Variants in CSPG4 observed in about 807,000 individuals in gnomAD.
CSPG4 encodes the protein chondroitin sulfate proteoglycan 4.
In CSPG4, 74 loss-of-function variants were observed where a neutral mutation model predicts 139.3. The observed-to-expected ratio is 0.53, with a 90% confidence interval of 0.44 to 0.64. The LOEUF is 0.64. CSPG4 is among the 30% of genes least tolerant of loss of function. CSPG4 has a pLI of 0.00. For missense variants in CSPG4, 2,565 were observed against 3,148.3 expected (o/e 0.81, Z 4.43); for synonymous variants, 1,234 against 1,394.2 (o/e 0.89, Z 2.56).
Position 75,688,227 on chromosome 15 carries a change from A to T in CSPG4, c.2838T>A (p.Ala946=), listed in dbSNP as rs777346728. Reference sequence around the variant, plus strand: ...TGGTCTTGTCCTGTGTCCCACGCCAAGCCAACCTCCCATGGCGGGGCCGCT... The same window carrying T: ...TGGTCTTGTCCTGTGTCCCACGCCATGCCAACCTCCCATGGCGGGGCCGCT... ...VMERPRHGRL[A]WRGTQDKTTM... is the part of the protein sequence containing the mutation. The change falls in exon 3 of 10, where the codon GCT becomes GCA. Residue 946 remains alanine, a synonymous_variant. Transcript: ENST00000308508. The T allele has an allele frequency of 1.2e-6, 2 of 1,612,964 alleles. No individual in the cohort carries two copies. The highest frequency in any genetic ancestry group is 8.5e-7 in the Non-Finnish European group (1 of 1,179,924).
chr15:75,678,949 C>T, intron 8 of CSPG4: 2 of 360,608 alleles, frequency 5.5e-6, no homozygotes, highest in Non-Finnish European at 1.1e-5. Context: ...ATACTTCACT[C>T]TGGGGTTCCT....
Position 75,689,857 on chromosome 15 carries a change from G to A in CSPG4, c.1208C>T (p.Pro403Leu), listed in dbSNP as rs777639962. The A allele has an allele frequency of 5.0e-6, 8 of 1,612,448 alleles. No individual in the cohort carries two copies. The highest frequency in any genetic ancestry group is 4.5e-5 in the East Asian group (2 of 44,886). The change falls in exon 3 of 10, where the codon CCT becomes CTT. Residue 403 changes from proline to leucine, a missense_variant. By Grantham distance (98) the Pro-to-Leu change is moderately conservative. This residue lies in a region of CSPG4 where 2,316 missense variants were observed against 2,818.2 expected (regional missense o/e 0.82). Transcript: ENST00000308508. ...CAGCTCCATGGCTGGCCAAGCCTCA[G>A]GGGCCAGGGTGGAGAAAGCTTCATA... ...GHYEAFSTLA[P>L]EAWPAMELPE...
At chr15:75,701,453 G>C (rs372753318) in intron 1 of CSPG4, among the ~76,000 whole-genome samples, 89 of 152,092 alleles carry the variant, frequency 5.9e-4, no homozygotes, top group African/African-American at 1.9e-3. Flanking sequence ...TGCTAGTGAA[G>C]CTCTGGGCTA....
chr15:75,708,368 C>T (rs1296939677), intron 1 of CSPG4, among the ~76,000 whole-genome samples: 6 of 127,838 alleles, frequency 4.7e-5, no homozygotes, highest in African/African-American at 9.0e-5. Flanking sequence ...CTACAGCTAT[C>T]ACCCTACATC....
At position 75,698,204 on chromosome 15, in the gene CSPG4, C is replaced by T; in HGVS notation, c.89-4971G>A. ...GGCACCACGGCGGGAGATCCTGGCT[C>T]CAGGTCTGGGCAGGCAGGGGTGAGG... On this transcript the variant is annotated intron_variant, in intron 1 of 9. Transcript: ENST00000308508. The surrounding 1 kb of genome is among the most constrained non-coding windows in gnomAD (Gnocchi z 4.3). Among the ~76,000 whole-genome samples the T allele has an allele frequency of 6.6e-6, 1 of 152,044 alleles. No individual in the cohort carries two copies.
At chr15:75,708,757 T>C (rs1454668955) in intron 1 of CSPG4, among the ~76,000 whole-genome samples, 1 of 152,200 alleles carries the variant, frequency 6.6e-6, no homozygotes, top group East Asian at 1.9e-4. Flanking sequence ...ACAGGTATGG[T>C]GGTTCACACC....
rs571744736 is a variant in CSPG4 at position 75,690,710 on chromosome 15, C to A, written c.355G>T (p.Gly119Cys). Residue 119 changes from glycine (G) to cysteine (C), a missense_variant, in exon 3 of 10, where the codon GGC (glycine) becomes TGC (cysteine). By Grantham distance (159) the Gly-to-Cys change is radical. This residue lies in a region of CSPG4 where 132 missense variants were observed against 132.3 expected (regional missense o/e 1.00). Coordinates refer to ENST00000308508, the MANE Select transcript of CSPG4 (RefSeq NM_001897.5). ...CCATCGACTGACAACGTGGCCCAGC[C>A]CTCTACGACAGTCAGCACCACAGTG... ...PHTVVLTVVEGWATLSVDGFL... is the reference protein window; with the variant it reads ...PHTVVLTVVECWATLSVDGFL... 3.8e-5 allele frequency: 62 copies of A among 1,613,132 alleles called. No homozygotes were observed. Among genetic ancestry groups the A allele is most frequent in the South Asian group, 3.7e-4 (34 of 91,078 alleles).
rs1894081087 is a variant in CSPG4 at position 75,687,663 on chromosome 15, G to A, written c.3402C>T (p.Ser1134=). The A allele has an allele frequency of 6.2e-7, 1 of 1,612,800 alleles. No individual in the cohort carries two copies. The highest frequency in any genetic ancestry group is 1.1e-5 in the South Asian group (1 of 91,072). Residue 1134 remains serine, a synonymous_variant, in exon 3 of 10, where the codon AGC becomes AGT. Transcript: ENST00000308508. This position sits in a 1 kb window ranked among gnomAD's most constrained non-coding sequence, Gnocchi z 5.4. ...CCTGGCCTCCTTGAGGGACCACAAG[G>A]CTGGAGCCGTTGGCCACACGGAGGT... The part of the protein sequence containing the change: ...EPYLRVANGS[S]LVVPQGGQGT...
At chr15:75,678,274 C>T (rs1490634587) in intron 8 of CSPG4, among the ~76,000 whole-genome samples, 2 of 152,142 alleles carry the variant, frequency 1.3e-5, no homozygotes, top group Non-Finnish European at 2.9e-5. Context: ...GGTGTCAGTT[C>T]CCCCCAGATG....
chr15:75,713,155 A>T (rs796681197), upstream of CSPG4, among the ~76,000 whole-genome samples: 12 of 152,286 alleles, frequency 7.9e-5, no homozygotes, highest in African/African-American at 2.6e-4. Flanking sequence ...CCCAGCCCCT[A>T]CTTCCCTCCT....
At position 75,677,118 on chromosome 15, in the gene CSPG4, G is replaced by A. The variant is rs1476230010; in HGVS notation, c.5401C>T (p.Arg1801Cys). 8 of 1,410,250 alleles carry A rather than the reference G, an allele frequency of 5.7e-6. No homozygotes were observed. Among genetic ancestry groups the A allele is most frequent in the East Asian group, 2.6e-5 (1 of 38,300 alleles). The allele number at this position is 1,410,250 out of a possible 1,614,324, so 87.4% of individuals were successfully genotyped here. Residue 1801 changes from arginine (R) to cysteine (C), a missense_variant, in exon 10 of 10, where the codon CGT (arginine) becomes TGT (cysteine). By Grantham distance (180) the Arg-to-Cys change is radical. Around this residue, in one of 5 missense-constraint regions of CSPG4, gnomAD observed 2,316 missense variants for 2,818.2 expected, o/e 0.82. Transcript: ENST00000308508. ...GGTQQDGFHF[R>C]AHLQGPAGAS... ...CCTGCTGGCCCCTGGAGGTGGGCAC[G>A]AAAGTGGAAGCCATCCTGCTGGGTG...
At position 75,712,751 on chromosome 15, in the gene CSPG4, T is replaced by C. The variant is rs1429582812; in HGVS notation, c.5A>G (p.Gln2Arg). The change falls in exon 1 of 10, where the codon CAG becomes CGG. Residue 2 changes from glutamine (Q) to arginine (R), a missense_variant. Gln to Arg is a conservative substitution (Grantham distance 43, BLOSUM62 1). Coordinates refer to ENST00000308508, the MANE Select transcript of CSPG4 (RefSeq NM_001897.5). ...TGGAAGTGGGGGCCGCGGCCCGGAC[T>C]GCATCCCGGCGGGCTGGGCGGCAGG... is the stretch of plus-strand genomic sequence containing the variant. Reference protein sequence around the residue: MQSGPRPPLPAP... With the variant: MRSGPRPPLPAP... 1.4e-5 allele frequency: 21 copies of C among 1,546,490 alleles called. No homozygotes were observed. The highest frequency in any genetic ancestry group is 1.8e-5 in the Non-Finnish European group (21 of 1,145,238).
Position 75,687,556 on chromosome 15 carries a change from G to A in CSPG4, c.3509C>T (p.Ala1170Val), listed in dbSNP as rs984988341. ...SGDEVHYHVT[A>V]GPRWGQLVRA... is the part of the protein sequence containing the mutation. The stretch of plus-strand genomic sequence containing the variant: ...GACTAGCTGTCCCCAGCGAGGGCCA[G>A]CTGTGACGTGGTAGTGGACCTCATC... Residue 1170 changes from alanine to valine, a missense_variant, in exon 3 of 10, where the codon GCT becomes GTT. Ala to Val is a moderately conservative substitution (Grantham distance 64). Around this residue, in one of 5 missense-constraint regions of CSPG4, gnomAD observed 2,316 missense variants for 2,818.2 expected, o/e 0.82. Transcript: ENST00000308508. This position sits in a 1 kb window ranked among gnomAD's most constrained non-coding sequence, Gnocchi z 5.4. 1.9e-6 allele frequency: 3 copies of A among 1,610,784 alleles called. No individual in the cohort carries two copies. In the African/African-American group the frequency reaches 4.0e-5, roughly 21 times the overall value.
chr15:75,694,974 C>T (rs948104104), intron 1 of CSPG4, among the ~76,000 whole-genome samples: 3 of 152,228 alleles, frequency 2.0e-5, no homozygotes, highest in Admixed American at 2.0e-4. Context: ...GATAGAGCCA[C>T]CACCGTCACC....
rs1032397028 is a variant in CSPG4, at chr15:75,688,481, T to C, written c.2584A>G (p.Thr862Ala). Reference protein sequence around the residue: ...IQAGRVTYGATARASEAVEDT... With the variant: ...IQAGRVTYGAAARASEAVEDT... ...TCGACTGCCTCTGAGGCACGTGCTG[T>C]GGCCCCATAGGTCACCCGGCCAGCC... The change falls in exon 3 of 10, where the codon ACA becomes GCA. Residue 862 changes from threonine to alanine, a missense_variant. Coordinates refer to ENST00000308508, the MANE Select transcript of CSPG4 (RefSeq NM_001897.5). The C allele has an allele frequency of 2.5e-6, 4 of 1,613,090 alleles. No individual in the cohort carries two copies. The highest frequency in any genetic ancestry group is 1.3e-5 in the African/African-American group (1 of 74,930).
At chr15:75,683,292 T>A (rs11634497) in intron 5 of CSPG4, among the ~76,000 whole-genome samples, 2,020 of 147,224 alleles carry the variant, frequency 0.014, 16 homozygotes, top group Non-Finnish European at 0.023. Context: ...CCTAGTCCTG[T>A]GTGTCCCTCA....
chr15:75,683,750 C>T (rs1894012724), intron 5 of CSPG4, among the ~76,000 whole-genome samples: 1 of 152,212 alleles, frequency 6.6e-6, no homozygotes, highest in South Asian at 2.1e-4. Flanking sequence ...CAGTGGGACT[C>T]ACATGCCCGG....
chr15:75,695,691 A>G (rs1596011309), intron 1 of CSPG4, among the ~76,000 whole-genome samples: 1 of 151,948 alleles, frequency 6.6e-6, no homozygotes, highest in Non-Finnish European at 1.5e-5. Flanking sequence ...AGGGGCTTCA[A>G]ATGGAGAGGG....
In CSPG4 at chr15:75,688,794, C is replaced by T. The variant is rs769725344; in HGVS notation, c.2271G>A (p.Glu757=). Residue 757 remains glutamate (E), a synonymous_variant, in exon 3 of 10, where the codon GAG becomes GAA. Transcript: ENST00000308508. ...CCACCTGCACCTCCAGGGCCAGGTT[C>T]TCCACGGTGTCGTAAGCGTGGTGCT... The part of the protein sequence containing the change: ...DPQHHAYDTV[E]NLALEVQVGQ... 13 of 1,612,932 alleles carry T rather than the reference C, an allele frequency of 8.1e-6. No homozygotes were observed. In the South Asian group the frequency reaches 1.4e-4, roughly 18 times the overall value.
Sources: gnomAD v4.1 joint callset for allele counts (sites outside exome capture counted in the v4.1 genomes callset) on GRCh38, gnomAD v4.1.1 for gene constraint, gnomAD v4.1.1 regional missense constraint, Gnocchi (gnomAD v3.1) non-coding constraint, MANE v1.5 for transcripts, NCBI Gene and HGNC (gene_info 2026-07-23, HGNC 2026-07-21) for gene names.